The following SYNPO variants were observed in gnomAD, a reference collection of about 807,000 sequenced individuals.
SYNPO encodes synaptopodin.
Under a neutral mutation model 49.5 loss-of-function variants are expected in SYNPO, and 19 were observed. The ratio of observed to expected loss-of-function variants is 0.38; its 90% CI spans 0.27 to 0.56. SYNPO has a LOEUF of 0.56. Ranked by LOEUF, SYNPO falls within the 20% of genes least tolerant of loss-of-function variation. SYNPO has a pLI of 0.68. For missense variants in SYNPO, 1,131 were observed against 1,248.3 expected, an observed-to-expected ratio of 0.91 and a Z score of 1.42; for synonymous variants, 536 against 548.0, an observed-to-expected ratio of 0.98 and a Z score of 0.31.
At chr5:150,612,495 A>G (rs1756876387) in intron 1 of SYNPO, among the ~76,000 whole-genome samples, 1 of 152,048 alleles carries the variant, frequency 6.6e-6, no homozygotes, top group African/African-American at 2.4e-5. Context: ...AACTACTTAT[A>G]CCATTGAGAA....
chr5:150,656,649 G>T lies in SYNPO; in HGVS notation c.2274G>T (p.Ala758=), dbSNP rs1333562166. The change falls in exon 3 of 3, where the codon GCG becomes GCT. Residue 758 remains alanine, a synonymous_variant. Coordinates refer to ENST00000307662, the MANE Select transcript of SYNPO (RefSeq NM_007286.6). The part of the protein sequence containing the change: ...PPSRQLQALL[A]RNIINAARRK... ...GCCGCCAGCTGCAGGCGCTTCTGGC[G>T]CGAAACATCATCAATGCGGCCCGGC... 11 of 1,507,526 alleles carry T rather than the reference G, an allele frequency of 7.3e-6. No homozygotes were observed. The allele number at this position is 1,507,526 out of a possible 1,614,324, so 93.4% of individuals were successfully genotyped here.
chr5:150,656,452 T>C lies in SYNPO; in HGVS notation c.2077T>C (p.Ser693Pro), dbSNP rs2151434495. ...PTSPPWTPGA[S>P]RPPSSLDGWV... ...CTCCCCACCCTGGACGCCGGGCGCG[T>C]CCCGGCCCCCCAGCAGCCTAGACGG... Residue 693 changes from serine to proline, a missense_variant, in exon 3 of 3, where the codon TCC becomes CCC. Coordinates refer to ENST00000307662, the MANE Select transcript of SYNPO (RefSeq NM_007286.6). 8 of 1,531,552 alleles carry C rather than the reference T, an allele frequency of 5.2e-6. No individual in the cohort carries two copies. The highest frequency in any genetic ancestry group is 7.0e-6 in the Non-Finnish European group (8 of 1,145,154). The allele number at this position is 1,531,552 out of a possible 1,614,324, so 94.9% of individuals were successfully genotyped here. A position where few individuals can be genotyped will look rare whatever the true frequency, so the allele number is the denominator to read the frequency against.
At chr5:150,633,153 G>A (rs532784046) in intron 2 of SYNPO, among the ~76,000 whole-genome samples, 10 of 152,332 alleles carry the variant, frequency 6.6e-5, no homozygotes, top group Admixed American at 5.9e-4. Flanking sequence ...GGGGGAAACA[G>A]GGTTCCTGCC....
In SYNPO at chr5:150,656,904, C is replaced by G. The variant is rs750956245; in HGVS notation, c.2529C>G (p.Pro843=). 1 of 1,577,028 alleles carries G rather than the reference C, an allele frequency of 6.3e-7. No individual in the cohort carries two copies. Among genetic ancestry groups the G allele is most frequent in the Non-Finnish European group, 8.6e-7 (1 of 1,162,452 alleles). Residue 843 remains proline, a synonymous_variant, in exon 3 of 3, where the codon CCC becomes CCG. Transcript: ENST00000307662. Reference sequence around the variant, plus strand: ...GCACCAGTCCCCGGAGCCCGCTGCCCGCGCCTCCCAGGCCCTTCCTCTACC... The same window carrying G: ...GCACCAGTCCCCGGAGCCCGCTGCCGGCGCCTCCCAGGCCCTTCCTCTACC... ...SSCTSPRSPL[P]APPRPFLYRR...
chr5:150,594,773 C>T, the SYNPO span, among the ~76,000 whole-genome samples: 8 of 152,226 alleles, frequency 5.3e-5, no homozygotes, highest in East Asian at 1.9e-4. Context: ...CAGTTTTTTT[C>T]GGATGATAAA....
At position 150,656,836 on chromosome 5, in the gene SYNPO, G is replaced by T. The variant is rs776669150; in HGVS notation, c.2461G>T (p.Ala821Ser). 1 of 1,542,718 alleles carries T rather than the reference G, an allele frequency of 6.5e-7. No homozygotes were observed. Among genetic ancestry groups the T allele is most frequent in the Non-Finnish European group, 8.7e-7 (1 of 1,149,028 alleles). The change falls in exon 3 of 3, where the codon GCG becomes TCG. Residue 821 changes from alanine to serine, a missense_variant. Physicochemically the swap from Ala to Ser is moderately conservative, Grantham distance 99. This residue lies in a region of SYNPO where 509 missense variants were observed against 484.5 expected (regional missense o/e 1.05). Coordinates refer to ENST00000307662, the MANE Select transcript of SYNPO (RefSeq NM_007286.6). ...GGCTGCTGTGCCGGGGGCAGCCTTC[G>T]CGCCCATCCCGCGGAGCCCGTTGCC... ...GSAAVPGAAF[A>S]PIPRSPLPAG...
At chr5:150,631,987 C>T (rs1003162295) in intron 2 of SYNPO, among the ~76,000 whole-genome samples, 3 of 152,198 alleles carry the variant, frequency 2.0e-5, no homozygotes. Context: ...CCTACTTCCA[C>T]TGCCTGTAAC....
chr5:150,594,872 C>T, the SYNPO span, among the ~76,000 whole-genome samples: 1 of 152,162 alleles, frequency 6.6e-6, no homozygotes, highest in African/African-American at 2.4e-5. Context: ...TCCAGACCTC[C>T]ATCAACTGCC....
At chr5:150,628,782 C>T (rs1757445718) in intron 2 of SYNPO, among the ~76,000 whole-genome samples, 2 of 152,194 alleles carry the variant, frequency 1.3e-5, no homozygotes, top group Non-Finnish European at 2.9e-5. Flanking sequence ...GTGGTGCATG[C>T]CTGTAATCTC....
At chr5:150,618,579 G>A (rs1253290316) in exon 2 of SYNPO, 2 of 1,550,744 alleles carry the variant, frequency 1.3e-6, no homozygotes, top group Admixed American at 2.0e-5. Flanking sequence ...TCTGCCTGCA[G>A]AGTCACCCAG....
intron 1 of SYNPO, among the ~76,000 whole-genome samples, chr5:150,615,748 C>T (rs1200230656): frequency 1.3e-5 from 2 of 152,192 alleles, no homozygotes; most frequent in Non-Finnish European, 2.9e-5. Flanking sequence ...TGAATGAGGG[C>T]CTGGAGCCTC....
At chr5:150,632,267 C>T (rs1757567080) in intron 2 of SYNPO, among the ~76,000 whole-genome samples, 1 of 152,168 alleles carries the variant, frequency 6.6e-6, no homozygotes, top group Non-Finnish European at 1.5e-5. Flanking sequence ...CCTCCTCATC[C>T]CAGACTTCCT....
At chr5:150,638,518 T>G (rs1757792308), upstream of SYNPO, among the ~76,000 whole-genome samples, 1 of 152,166 alleles carries the variant, frequency 6.6e-6, no homozygotes, top group Non-Finnish European at 1.5e-5. Flanking sequence ...TGCTTGTCCT[T>G]TAGTAGTTTA....
At chr5:150,647,074 C>T (rs1362159785) in intron 1 of SYNPO, among the ~76,000 whole-genome samples, 3 of 152,012 alleles carry the variant, frequency 2.0e-5, no homozygotes, top group Admixed American at 2.0e-4. Context: ...GAAACCCCAT[C>T]TCTACTAAAA....
chr5:150,606,069 G>C (rs987165932), intron 1 of SYNPO, among the ~76,000 whole-genome samples: 1 of 152,102 alleles, frequency 6.6e-6, no homozygotes, highest in Admixed American at 6.5e-5. Context: ...ACACGTACAT[G>C]TGCACACATA....
intron 1 of SYNPO, among the ~76,000 whole-genome samples, chr5:150,644,555 G>C (rs1174054326): frequency 6.6e-6 from 1 of 152,196 alleles, no homozygotes; most frequent in East Asian, 1.9e-4. Context: ...GTCCACCTGG[G>C]CTTCATGGCA....
At chr5:150,636,059 G>A (rs557095682), upstream of SYNPO, among the ~76,000 whole-genome samples, 2 of 152,078 alleles carry the variant, frequency 1.3e-5, no homozygotes, top group East Asian at 3.9e-4. Flanking sequence ...TGACTTACTT[G>A]TGTATTTATT....
In SYNPO at chr5:150,624,884, G is replaced by A. The variant is rs1757300124; in HGVS notation, c.400+6117G>A. ...CCGAGGCGGCGGCGCCCGGGAGCTC[G>A]GGGACCGTGCGCAGCGGCTGGAGGT... On this transcript the variant is annotated intron_variant, in intron 2 of 2. Coordinates refer to the SYNPO transcript ENST00000394243. The A allele has an allele frequency of 4.1e-6, 4 of 985,352 alleles. No individual in the cohort carries two copies. The South Asian group carries it at 1.8e-4, about 45-fold the overall frequency. The allele number at this position is 985,352 out of a possible 1,614,324, so 61.0% of individuals were successfully genotyped here. A position where few individuals can be genotyped will look rare whatever the true frequency, so the allele number is the denominator to read the frequency against.
intron 1 of SYNPO, chr5:150,608,351 C>T (rs1026698214): frequency 1.3e-5 from 2 of 152,144 alleles, no homozygotes; most frequent in South Asian, 4.2e-4. Context: ...AGCCAGAAGC[C>T]CCTCCATCTT....
Sources: allele counts gnomAD v4.1 joint callset (sites outside exome capture counted in the v4.1 genomes callset), GRCh38; gene constraint gnomAD v4.1.1; regional missense constraint gnomAD v4.1.1; transcripts MANE v1.5; gene names NCBI Gene and HGNC (gene_info 2026-07-23, HGNC 2026-07-21).